The following TDRD5 variants were observed in gnomAD, a reference collection of about 807,000 sequenced individuals.
TDRD5 encodes the protein tudor domain-containing protein 5.
TDRD5 carries 41 observed loss-of-function variants against 120.6 expected under a neutral mutation model. The ratio of observed to expected loss-of-function variants is 0.34; its 90% CI spans 0.26 to 0.44. TDRD5 has a LOEUF of 0.44. Ranked by LOEUF, TDRD5 falls within the 20% of genes least tolerant of loss-of-function variation. TDRD5 has a pLI of 1.00. For missense variants in TDRD5, 1,006 were observed against 1,221.2 expected, an observed-to-expected ratio of 0.82 and a Z score of 2.63; for synonymous variants, 430 against 433.7, an observed-to-expected ratio of 0.99 and a Z score of 0.11.
chr1:179,642,847 T>A (rs773294162), intron 11 of TDRD5, among the ~76,000 whole-genome samples: 9 of 152,208 alleles, frequency 5.9e-5, no homozygotes, highest in African/African-American at 9.6e-5. Flanking sequence ...AACAGACTAT[T>A]ATGCCCATTA....
intron 5 of TDRD5, among the ~76,000 whole-genome samples, chr1:179,619,239 T>C (rs1229929396): frequency 1.3e-5 from 2 of 152,232 alleles, no homozygotes; most frequent in Non-Finnish European, 2.9e-5. Flanking sequence ...CAGGTGTTAC[T>C]ATCCCATCAC....
intron 17 of TDRD5, among the ~76,000 whole-genome samples, chr1:179,689,039 A>T (rs4652439): frequency 9.2e-5 from 14 of 152,132 alleles, no homozygotes; most frequent in South Asian, 4.1e-4. Context: ...ATCTGAAGCC[A>T]TCTTCTCTCA....
chr1:179,603,322 A>T lies in TDRD5; in HGVS notation c.831+7504A>T, dbSNP rs1181321936. On this transcript the variant is annotated intron_variant, in intron 4 of 17. Coordinates refer to ENST00000444136, the MANE Select transcript of TDRD5 (RefSeq NM_001199085.3). The stretch of plus-strand genomic sequence containing the variant: ...AGGTAAATGATCATATTGTCAGCAA[A>T]CAATGACAATTTGACTTTCTCTTTA... Among the ~76,000 whole-genome samples, 5 of 152,188 alleles carry T rather than the reference A, an allele frequency of 3.3e-5. No individual in the cohort carries two copies. The East Asian group carries it at 9.6e-4, about 29-fold the overall frequency.
intron 6 of TDRD5, among the ~76,000 whole-genome samples, chr1:179,621,396 A>G (rs1307936901): frequency 4.6e-5 from 7 of 152,092 alleles, no homozygotes; most frequent in Non-Finnish European, 1.0e-4. Context: ...TACTTCATAC[A>G]CTGCTTGTGG....
At chr1:179,673,982 C>T (rs1213187381) in intron 17 of TDRD5, among the ~76,000 whole-genome samples, 1 of 151,912 alleles carries the variant, frequency 6.6e-6, no homozygotes, top group Non-Finnish European at 1.5e-5. Context: ...GGTATACAAT[C>T]ATATCAGCAA....
At chr1:179,626,663 G>A (rs1382038327) in intron 6 of TDRD5, among the ~76,000 whole-genome samples, 3 of 152,124 alleles carry the variant, frequency 2.0e-5, no homozygotes, top group Non-Finnish European at 4.4e-5. Flanking sequence ...GTTGGTAGAT[G>A]GTTGGATACA....
chr1:179,610,503 A>T (rs1448220927), intron 4 of TDRD5, among the ~76,000 whole-genome samples: 1 of 152,188 alleles, frequency 6.6e-6, no homozygotes, highest in African/African-American at 2.4e-5. Context: ...CCTCCAGAAA[A>T]GTATCAATAT....
intron 6 of TDRD5, among the ~76,000 whole-genome samples, chr1:179,625,130 C>CAAAA (rs1335101585): frequency 1.7e-5 from 2 of 120,728 alleles, no homozygotes; most frequent in African/African-American, 3.0e-5. Flanking sequence ...CAACTGAATA[C>CAAAA]AAAAAAAAAA....
intron 17 of TDRD5, among the ~76,000 whole-genome samples, chr1:179,686,472 A>G (rs1680718629): frequency 6.6e-6 from 1 of 152,194 alleles, no homozygotes; most frequent in Non-Finnish European, 1.5e-5. Context: ...TTTTGCATCC[A>G]TGTTCATCAG....
chr1:179,633,357 CT>C (rs577434818), intron 7 of TDRD5, among the ~76,000 whole-genome samples: 188 of 144,846 alleles, frequency 1.3e-3, no homozygotes, highest in Admixed American at 2.2e-3. Flanking sequence ...TGTCTGGAAT[CT>C]TTTTTTTTTT....
intron 17 of TDRD5, among the ~76,000 whole-genome samples, chr1:179,676,185 G>A (rs1018919547): frequency 1.3e-5 from 2 of 152,070 alleles, no homozygotes; most frequent in Admixed American, 6.6e-5. Flanking sequence ...GCTAGCTTTT[G>A]GTGTTCATTT....
intron 17 of TDRD5, among the ~76,000 whole-genome samples, chr1:179,675,254 T>TG (rs778188412): frequency 1.6e-5 from 2 of 124,906 alleles, no homozygotes; most frequent in African/African-American, 6.5e-5. Flanking sequence ...TTCAAAGAAT[T>TG]TTTATTATTA....
intron 17 of TDRD5, among the ~76,000 whole-genome samples, chr1:179,670,656 A>G (rs1342493025): frequency 6.6e-6 from 1 of 152,208 alleles, no homozygotes; most frequent in East Asian, 1.9e-4. Context: ...TTTCCTGTTT[A>G]CCACAATGTT....
chr1:179,621,170 C>T (rs1018773248), intron 6 of TDRD5, 79 bp downstream of exon 6: 17 of 1,294,556 alleles, frequency 1.3e-5, no homozygotes, highest in Non-Finnish European at 1.8e-5. Flanking sequence ...GTGGCTACTC[C>T]TTGGATTCTC....
Position 179,652,136 on chromosome 1 carries a change from A to G in TDRD5, c.2099A>G (p.His700Arg), listed in dbSNP as rs1431248021. The change falls in exon 13 of 18, where the codon CAC becomes CGC. Residue 700 changes from histidine to arginine, a missense_variant. This residue lies in a region of TDRD5 where 403 missense variants were observed against 448.1 expected (regional missense o/e 0.90). Coordinates refer to ENST00000444136, the MANE Select transcript of TDRD5 (RefSeq NM_001199085.3). ...GAACTGGGTTATCCTTCCCAGCAGC[A>G]CTATTTTAATGAAGACCGAAAGATA... is the stretch of plus-strand genomic sequence containing the variant. ...LTELGYPSQQ[H>R]YFNEDRKISP... 5 of 1,614,086 alleles carry G rather than the reference A, an allele frequency of 3.1e-6. No individual in the cohort carries two copies. Among genetic ancestry groups the G allele is most frequent in the Admixed American group, 3.3e-5 (2 of 59,998 alleles).
intron 11 of TDRD5, 71 bp downstream of exon 11, chr1:179,640,516 A>G (rs1232312853): frequency 3.5e-6 from 5 of 1,439,842 alleles, no homozygotes; most frequent in Non-Finnish European, 4.9e-6. Flanking sequence ...ACAGTTTCAC[A>G]TGCTCAGGAT....
intron 4 of TDRD5, among the ~76,000 whole-genome samples, chr1:179,610,424 G>A (rs1476899471): frequency 6.6e-6 from 1 of 152,120 alleles, no homozygotes; most frequent in East Asian, 1.9e-4. Flanking sequence ...ATCATGAATT[G>A]TTCAGTTATT....
chr1:179,632,993 A>G (rs1183065775), intron 7 of TDRD5, among the ~76,000 whole-genome samples: 3 of 152,216 alleles, frequency 2.0e-5, no homozygotes, highest in East Asian at 3.8e-4. Context: ...ATTGAATACT[A>G]TACTGAAAGT....
At chr1:179,630,164 A>AT (rs1407185647) in intron 6 of TDRD5, among the ~76,000 whole-genome samples, 1 of 151,826 alleles carries the variant, frequency 6.6e-6, no homozygotes, top group Non-Finnish European at 1.5e-5. Context: ...CGCCTGGCTA[A>AT]TTTTTTGTAT....
Sources: gnomAD v4.1 joint callset for allele counts (sites outside exome capture counted in the v4.1 genomes callset) on GRCh38, gnomAD v4.1.1 for gene constraint, gnomAD v4.1.1 regional missense constraint, MANE v1.5 for transcripts, NCBI Gene and HGNC (gene_info 2026-07-23, HGNC 2026-07-21) for gene names.